The following CARMIL1 variants were observed in gnomAD, a reference collection of about 807,000 sequenced individuals.
CARMIL1 encodes F-actin-uncapping protein LRRC16A.
A neutral mutation model predicts 177.1 loss-of-function variants in CARMIL1; 90 were observed. The observed-to-expected ratio is 0.51, with a 90% CI of 0.43 to 0.61. The LOEUF (loss-of-function observed/expected upper bound fraction) is 0.61. Ranked by LOEUF, CARMIL1 falls within the 20% of genes least tolerant of loss-of-function variation. The pLI is 0.00. For missense variants in CARMIL1, 1,380 were observed against 1,667.0 expected, an observed-to-expected ratio of 0.83 and a Z score of 3.00; for synonymous variants, 577 against 606.2, an observed-to-expected ratio of 0.95 and a Z score of 0.71.
At chr6:25,432,459 T>C (rs566335676) in intron 4 of CARMIL1, among the ~76,000 whole-genome samples, 151 of 152,330 alleles carry the variant, frequency 9.9e-4, no homozygotes, top group African/African-American at 3.3e-3. Flanking sequence ...CTTTTACTAT[T>C]GCTATTTTCC....
At chr6:25,464,824 A>T (rs1309700021) in intron 8 of CARMIL1, among the ~76,000 whole-genome samples, 1 of 152,180 alleles carries the variant, frequency 6.6e-6, no homozygotes. Context: ...ATAGTTTTTC[A>T]TAACTGAACA....
intron 5 of CARMIL1, among the ~76,000 whole-genome samples, chr6:25,436,808 G>A (rs1181073722): frequency 6.6e-6 from 1 of 151,686 alleles, no homozygotes; most frequent in African/African-American, 2.4e-5. Flanking sequence ...GCTGGTTGCC[G>A]GGGGAGCTAA....
At chr6:25,543,111 G>A (rs1809082632) in intron 26 of CARMIL1, among the ~76,000 whole-genome samples, 1 of 152,144 alleles carries the variant, frequency 6.6e-6, no homozygotes, top group Non-Finnish European at 1.5e-5. Flanking sequence ...GCCTAGATTT[G>A]TGTCCTGGGC....
At chr6:25,514,691 G>A (rs1010003463) in intron 20 of CARMIL1, among the ~76,000 whole-genome samples, 1 of 152,128 alleles carries the variant, frequency 6.6e-6, no homozygotes, top group Non-Finnish European at 1.5e-5. Context: ...GGATACCAAG[G>A]TGAGAGGATC....
chr6:25,323,054 G>A (rs1041395368), intron 2 of CARMIL1, among the ~76,000 whole-genome samples: 5 of 152,098 alleles, frequency 3.3e-5, no homozygotes, highest in African/African-American at 1.2e-4. Context: ...ATTCTTGGTT[G>A]TTTTGCAGAT....
At chr6:25,359,190 C>T (rs984833315) in intron 2 of CARMIL1, among the ~76,000 whole-genome samples, 4 of 152,208 alleles carry the variant, frequency 2.6e-5, no homozygotes, top group African/African-American at 9.7e-5. Flanking sequence ...AGCTAAGACT[C>T]TCCCATTCTG....
chr6:25,509,805 ATCT>A lies in CARMIL1; in HGVS notation c.1477+72_1477+74del. ...GAAGCAAGTTAATAAGGGGAAAATA[ATCT>A]TCTACCCAAATCCAAACAATAGCTT... On this transcript the variant is annotated intron_variant, in intron 18 of 36. Coordinates refer to ENST00000329474, the MANE Select transcript of CARMIL1 (RefSeq NM_017640.6). This position sits in a 1 kb window ranked among gnomAD's most constrained non-coding sequence, Gnocchi z 4.1. The A allele has an allele frequency of 1.8e-6, 2 of 1,103,738 alleles. No individual in the cohort carries two copies. The highest frequency in any genetic ancestry group is 2.7e-6 in the Non-Finnish European group (2 of 748,742). The allele number at this position is 1,103,738 out of a possible 1,614,324, so 68.4% of individuals were successfully genotyped here.
At chr6:25,379,206 G>A (rs922481329) in intron 2 of CARMIL1, among the ~76,000 whole-genome samples, 3 of 152,180 alleles carry the variant, frequency 2.0e-5, no homozygotes, top group South Asian at 2.1e-4. Context: ...TATTAAAGAG[G>A]TATATATTGT....
intron 33 of CARMIL1, among the ~76,000 whole-genome samples, chr6:25,604,117 G>C (rs1196786026): frequency 6.6e-6 from 1 of 152,102 alleles, no homozygotes; most frequent in Admixed American, 6.6e-5. Context: ...TGTCACCCAG[G>C]CTGGAGTGCA....
At chr6:25,313,571 G>GCAGGGC (rs145914530) in intron 2 of CARMIL1, among the ~76,000 whole-genome samples, 3 of 142,754 alleles carry the variant, frequency 2.1e-5, no homozygotes, top group Non-Finnish European at 4.6e-5. Context: ...AGGATGAGGG[G>GCAGGGC]CAGGGCCAGG....
At chr6:25,540,236 T>G (rs1808758945) in intron 26 of CARMIL1, among the ~76,000 whole-genome samples, 158 bp downstream of exon 26, 1 of 152,264 alleles carries the variant, frequency 6.6e-6, no homozygotes, top group Non-Finnish European at 1.5e-5. Flanking sequence ...AGCTTCATTA[T>G]AAGTTTTGGA....
At position 25,581,251 on chromosome 6, in the gene CARMIL1, T is replaced by C. The variant is rs1420305963; in HGVS notation, c.2818T>C (p.Phe940Leu). 6.2e-7 allele frequency: 1 copy of C among 1,610,686 alleles called. No individual in the cohort carries two copies. Among genetic ancestry groups the C allele is most frequent in the African/African-American group, 1.3e-5 (1 of 74,528 alleles). The change falls in exon 31 of 37, where the codon TTT becomes CTT. Residue 940 changes from phenylalanine to leucine, a missense_variant. Transcript: ENST00000329474. ...RPVSRAFEME[F>L]DLDKALEEVP... is the part of the protein sequence containing the mutation. ...TTTGTTTTTAATTTTAGAAATGGAG[T>C]TTGATCTAGATAAAGCGCTGGAAGA...
intron 13 of CARMIL1, 70 bp downstream of exon 13, chr6:25,488,655 T>C (rs1582123873): frequency 7.9e-7 from 1 of 1,262,222 alleles, no homozygotes; most frequent in East Asian, 2.3e-5. Context: ...ATTCTAAACA[T>C]GTCTTTGTAG....
rs1258086958 is a variant in CARMIL1, at chr6:25,500,209, G to T, written c.1369G>T (p.Val457Phe). 6.2e-7 allele frequency: 1 copy of T among 1,613,938 alleles called. No homozygotes were observed. Among genetic ancestry groups the T allele is most frequent in the South Asian group, 1.1e-5 (1 of 91,080 alleles). Residue 457 changes from valine to phenylalanine, a missense_variant, in exon 17 of 37, where the codon GTT (valine) becomes TTT (phenylalanine). Transcript: ENST00000329474. ...GGCTTGTAATCATAACTTGAAAGGG[G>T]TTTCTCTGGATCTCAGCAACTGTGA... ...GLACNHNLKG[V>F]SLDLSNCELR...
chr6:25,551,144 A>G (rs1034823811), intron 27 of CARMIL1, 59 bp downstream of exon 27: 4 of 1,362,428 alleles, frequency 2.9e-6, no homozygotes, highest in Non-Finnish European at 4.1e-6. Flanking sequence ...CAGTCGAGGC[A>G]GCTGTAAAGA....
intron 31 of CARMIL1, among the ~76,000 whole-genome samples, chr6:25,583,162 C>T (rs1004629529): frequency 6.6e-6 from 1 of 152,332 alleles, no homozygotes; most frequent in South Asian, 2.1e-4. Flanking sequence ...ACAAAGAGGC[C>T]TTACTAAGTG....
At chr6:25,585,274 C>A (rs955773098) in intron 31 of CARMIL1, among the ~76,000 whole-genome samples, 1 of 152,186 alleles carries the variant, frequency 6.6e-6, no homozygotes. Context: ...TTAGTAAGAG[C>A]AATTATTAAC....
At chr6:25,290,587 G>C (rs918440621) in intron 2 of CARMIL1, among the ~76,000 whole-genome samples, 1 of 151,492 alleles carries the variant, frequency 6.6e-6, no homozygotes, top group African/African-American at 2.4e-5. Flanking sequence ...TTGGAATTTG[G>C]GTTACATCAT....
intron 2 of CARMIL1, among the ~76,000 whole-genome samples, chr6:25,415,503 G>A (rs1366042833): frequency 6.9e-6 from 1 of 144,764 alleles, no homozygotes; most frequent in African/African-American, 2.6e-5. Context: ...TAGTGGGAGC[G>A]TTATTCCCTA....
Sources: allele counts gnomAD v4.1 joint callset (sites outside exome capture counted in the v4.1 genomes callset), GRCh38; gene constraint gnomAD v4.1.1; non-coding constraint Gnocchi (gnomAD v3.1); transcripts MANE v1.5; gene names NCBI Gene and HGNC (gene_info 2026-07-23, HGNC 2026-07-21).